Variants in KHDRBS2 observed in about 807,000 individuals in gnomAD.
KHDRBS2 encodes the protein KH RNA binding domain containing, signal transduction associated 2.
KHDRBS2 carries 26 observed loss-of-function variants against 44.3 expected under a neutral mutation model. That is an observed-to-expected ratio of 0.59 (90% CI 0.43 to 0.81). The LOEUF (loss-of-function observed/expected upper bound fraction) is 0.81. Ranked by LOEUF, KHDRBS2 falls within the 40% of genes least tolerant of loss-of-function variation. The pLI, the probability that KHDRBS2 is intolerant of heterozygous loss-of-function variation, is 0.00. For missense variants in KHDRBS2, 476 were observed against 433.1 expected, an observed-to-expected ratio of 1.10 and a Z score of -0.88; for synonymous variants, 194 against 151.1, an observed-to-expected ratio of 1.28 and a Z score of -2.08.
chr6:61,568,503 G>A, the KHDRBS2 span, among the ~76,000 whole-genome samples: 1 of 152,080 alleles, frequency 6.6e-6, no homozygotes, highest in African/African-American at 2.4e-5. Flanking sequence ...AACCACAGTA[G>A]GAACATACCA....
intron 1 of KHDRBS2, among the ~76,000 whole-genome samples, chr6:62,188,533 T>C (rs565575868): frequency 6.6e-6 from 1 of 152,254 alleles, no homozygotes; most frequent in Non-Finnish European, 1.5e-5. Context: ...GAGTGATGTT[T>C]AGATAAGCGT....
chr6:62,111,388 A>G (rs1402588654), intron 2 of KHDRBS2, among the ~76,000 whole-genome samples: 1 of 152,138 alleles, frequency 6.6e-6, no homozygotes, highest in Admixed American at 6.6e-5. Flanking sequence ...GTATTTTTGA[A>G]TACCTATTCT....
the KHDRBS2 span, among the ~76,000 whole-genome samples, chr6:61,639,676 G>T: frequency 6.6e-6 from 1 of 151,960 alleles, no homozygotes; most frequent in Non-Finnish European, 1.5e-5. Flanking sequence ...AGTCTTGGGG[G>T]TAGGGACCAT....
At chr6:61,889,818 G>A (rs1046389800) in intron 6 of KHDRBS2, among the ~76,000 whole-genome samples, 1 of 152,112 alleles carries the variant, frequency 6.6e-6, no homozygotes, top group South Asian at 2.1e-4. Flanking sequence ...CACACATTCT[G>A]CTCCAGCTTT....
At chr6:61,975,865 A>T (rs897734646) in intron 4 of KHDRBS2, among the ~76,000 whole-genome samples, 1 of 152,146 alleles carries the variant, frequency 6.6e-6, no homozygotes, top group Non-Finnish European at 1.5e-5. Flanking sequence ...GTGGTTGGGG[A>T]AGAGTTTTCT....
intron 4 of KHDRBS2, among the ~76,000 whole-genome samples, chr6:61,955,461 T>C (rs375779608): frequency 0.043 from 1,523 of 35,212 alleles, 284 homozygotes; most frequent in African/African-American, 0.12. Flanking sequence ...TATATATACA[T>C]ATGTGTATAT....
intron 7 of KHDRBS2, among the ~76,000 whole-genome samples, chr6:61,729,088 C>T (rs944760795): frequency 6.6e-6 from 1 of 152,104 alleles, no homozygotes; most frequent in Non-Finnish European, 1.5e-5. Flanking sequence ...AAATGCCCAT[C>T]ACTGATAGAC....
chr6:62,090,449 T>C (rs143317683), intron 2 of KHDRBS2, among the ~76,000 whole-genome samples: 42 of 152,148 alleles, frequency 2.8e-4, no homozygotes, highest in African/African-American at 9.2e-4. Context: ...TAATTCAGTG[T>C]CAAAACAAAT....
intron 3 of KHDRBS2, among the ~76,000 whole-genome samples, chr6:61,990,598 T>C (rs1775944659): frequency 6.6e-6 from 1 of 152,166 alleles, no homozygotes; most frequent in African/African-American, 2.4e-5. Context: ...AAAATTTGAA[T>C]TTAGAAATAA....
the KHDRBS2 span, among the ~76,000 whole-genome samples, chr6:61,637,723 A>T: frequency 6.6e-6 from 1 of 152,100 alleles, no homozygotes; most frequent in Non-Finnish European, 1.5e-5. Flanking sequence ...AATGATCGCC[A>T]TTCTAACTGG....
At chr6:61,631,150 G>A in the KHDRBS2 span, among the ~76,000 whole-genome samples, 1 of 151,838 alleles carries the variant, frequency 6.6e-6, no homozygotes, top group Non-Finnish European at 1.5e-5. Flanking sequence ...TCAGCAACAC[G>A]AGACTTATTC....
At chr6:61,940,700 G>A (rs1562481667) in intron 4 of KHDRBS2, among the ~76,000 whole-genome samples, 1 of 152,288 alleles carries the variant, frequency 6.6e-6, no homozygotes, top group South Asian at 2.1e-4. Flanking sequence ...AGTGATGCCA[G>A]GTCTGAGATG....
chr6:61,955,757 G>C (rs1323010171), intron 4 of KHDRBS2, among the ~76,000 whole-genome samples: 4 of 151,514 alleles, frequency 2.6e-5, no homozygotes, highest in East Asian at 1.9e-4. Flanking sequence ...GACAGACAGA[G>C]AGAGAGAATG....
the KHDRBS2 span, among the ~76,000 whole-genome samples, chr6:61,621,053 T>C: frequency 1.3e-5 from 2 of 152,158 alleles, no homozygotes; most frequent in East Asian, 3.9e-4. Flanking sequence ...ACCCCATTAA[T>C]ATAGAAGCAG....
rs575973756 is a variant in KHDRBS2, at chr6:61,974,973, T to C, written c.483+3093A>G. 1.3e-3 allele frequency among the ~76,000 whole-genome samples: 200 copies of C among 148,430 alleles called. 2 individuals carry two copies. The highest frequency in any genetic ancestry group is 4.8e-3 in the African/African-American group (188 of 39,358). On this transcript the variant is annotated intron_variant, in intron 4 of 8. Transcript: ENST00000281156. Reference sequence around the variant, plus strand: ...ATAAATAAATAAATAAATAAATAAATAAATAAATAAAAGACTACAGTGTGT... The same window carrying C: ...ATAAATAAATAAATAAATAAATAAACAAATAAATAAAAGACTACAGTGTGT...
intron 1 of KHDRBS2, among the ~76,000 whole-genome samples, chr6:62,240,698 A>G (rs1269810360): frequency 1.1e-4 from 15 of 132,756 alleles, no homozygotes; most frequent in East Asian, 2.2e-4. Context: ...ATATATATAT[A>G]TATATATATA....
At chr6:61,835,422 T>C (rs1360574357) in intron 6 of KHDRBS2, among the ~76,000 whole-genome samples, 5 of 152,052 alleles carry the variant, frequency 3.3e-5, no homozygotes, top group African/African-American at 1.2e-4. Context: ...TCATCAATCA[T>C]AGCGTTTCAT....
chr6:61,593,474 G>T, the KHDRBS2 span, among the ~76,000 whole-genome samples: 6 of 146,446 alleles, frequency 4.1e-5, no homozygotes, highest in African/African-American at 1.2e-4. Flanking sequence ...TGTACTATAG[G>T]TTTTTTTTTT....
intron 4 of KHDRBS2, among the ~76,000 whole-genome samples, chr6:61,939,770 C>A (rs1165550780): frequency 6.6e-6 from 1 of 152,078 alleles, no homozygotes; most frequent in Non-Finnish European, 1.5e-5. Context: ...TGGAAAGAAA[C>A]CAAAGTACAT....
Sources: allele counts gnomAD v4.1 joint callset (sites outside exome capture counted in the v4.1 genomes callset), GRCh38; gene constraint gnomAD v4.1.1; transcripts MANE v1.5; gene names NCBI Gene and HGNC (gene_info 2026-07-23, HGNC 2026-07-21).